Variants in RDX observed in about 807,000 individuals in gnomAD.
RDX encodes the protein radixin.
In RDX, 32 loss-of-function variants were observed where a neutral mutation model predicts 83.7. That is an observed-to-expected ratio of 0.38 (90% CI 0.29 to 0.51). The LOEUF is 0.51. RDX is among the 20% of genes least tolerant of loss of function. The pLI, the probability that RDX is intolerant of heterozygous loss-of-function variation, is 0.87. For synonymous variants in RDX, 229 were observed against 222.7 expected (o/e 1.03, Z -0.25); for missense variants, 600 against 689.9 (o/e 0.87, Z 1.46).
intron 14 of RDX, among the ~76,000 whole-genome samples, chr11:110,220,079 C>G (rs937201701): frequency 1.3e-5 from 2 of 152,178 alleles, no homozygotes; most frequent in African/African-American, 4.8e-5. Context: ...AGGAGCATGT[C>G]TTTCTTATCT....
intron 1 of RDX, among the ~76,000 whole-genome samples, chr11:110,280,321 G>A (rs2134424187): frequency 6.6e-6 from 1 of 152,204 alleles, no homozygotes; most frequent in South Asian, 2.1e-4. Flanking sequence ...ACAGCTCACT[G>A]CAGCCTAAAC....
chr11:110,183,416 C>T (rs1862926998), intron 15 of RDX, among the ~76,000 whole-genome samples: 1 of 152,230 alleles, frequency 6.6e-6, no homozygotes, highest in Admixed American at 6.5e-5. Flanking sequence ...CAGCTGCAAA[C>T]TCCTGGGCTC....
intron 14 of RDX, among the ~76,000 whole-genome samples, chr11:110,206,447 A>C (rs1480618710): frequency 6.6e-6 from 1 of 152,102 alleles, no homozygotes; most frequent in Admixed American, 6.5e-5. Flanking sequence ...CAAAAAAAAA[A>C]CTAGTTGTAT....
chr11:110,276,083 G>T (rs547080731), intron 2 of RDX, among the ~76,000 whole-genome samples: 1 of 152,156 alleles, frequency 6.6e-6, no homozygotes, highest in South Asian at 2.1e-4. Flanking sequence ...ACTGCACCCA[G>T]CCAATTTTTT....
downstream of RDX, among the ~76,000 whole-genome samples, chr11:110,224,997 A>G (rs1038875367): frequency 2.6e-5 from 4 of 152,176 alleles, no homozygotes; most frequent in Non-Finnish European, 5.9e-5. Context: ...AAAACATCTA[A>G]ACATAGGATT....
chr11:110,275,297 A>G (rs1860467514), intron 2 of RDX, among the ~76,000 whole-genome samples: 1 of 152,224 alleles, frequency 6.6e-6, no homozygotes, highest in African/African-American at 2.4e-5. Context: ...ACTTTAGAAC[A>G]GGAAGATTAT....
At chr11:110,214,165 C>A (rs945989737) in intron 14 of RDX, among the ~76,000 whole-genome samples, 3 of 151,618 alleles carry the variant, frequency 2.0e-5, no homozygotes, top group Non-Finnish European at 4.4e-5. Context: ...ACAACCCCAT[C>A]AAAAAGTGGG....
intron 1 of RDX, among the ~76,000 whole-genome samples, chr11:110,294,857 T>C (rs1377233818): frequency 6.6e-6 from 1 of 152,238 alleles, no homozygotes; most frequent in Non-Finnish European, 1.5e-5. Flanking sequence ...AAACATTGTA[T>C]GTGATTCCTA....
At chr11:110,177,849 T>C (rs756320207) in intron 15 of RDX, among the ~76,000 whole-genome samples, 2 of 152,112 alleles carry the variant, frequency 1.3e-5, no homozygotes, top group East Asian at 1.9e-4. Context: ...CTGCCTCAAA[T>C]CCTTCTAACC....
intron 3 of RDX, among the ~76,000 whole-genome samples, chr11:110,271,103 C>A (rs1326752516): frequency 2.6e-5 from 4 of 152,090 alleles, no homozygotes; most frequent in African/African-American, 9.7e-5. Context: ...TTTTGCACAT[C>A]CACACAAAAA....
At chr11:110,208,716 T>C (rs1863695392) in intron 14 of RDX, among the ~76,000 whole-genome samples, 1 of 152,008 alleles carries the variant, frequency 6.6e-6, no homozygotes, top group Non-Finnish European at 1.5e-5. Context: ...CCCAACACTT[T>C]GGGAGGCTGT....
chr11:110,191,800 G>A (rs1053746060), intron 15 of RDX, among the ~76,000 whole-genome samples: 1 of 152,146 alleles, frequency 6.6e-6, no homozygotes, highest in African/African-American at 2.4e-5. Flanking sequence ...AAGTTGCAGC[G>A]AGCCGAGATC....
intron 15 of RDX, among the ~76,000 whole-genome samples, chr11:110,179,506 C>T (rs1339353253): frequency 6.6e-6 from 1 of 152,216 alleles, no homozygotes; most frequent in African/African-American, 2.4e-5. Flanking sequence ...GGCATGGTGG[C>T]TCATGCCTGT....
At chr11:110,190,602 C>T (rs1863084572) in intron 15 of RDX, among the ~76,000 whole-genome samples, 1 of 152,008 alleles carries the variant, frequency 6.6e-6, no homozygotes, top group African/African-American at 2.4e-5. Context: ...AAAATCAGAG[C>T]AGAACTGACA....
At chr11:110,237,447 T>C (rs1350598590) in intron 11 of RDX, 45 bp downstream of exon 11, 3 of 1,595,588 alleles carry the variant, frequency 1.9e-6, no homozygotes, top group South Asian at 2.2e-5. Context: ...GGGTTCACTC[T>C]ATGCTTTTAT....
chr11:110,206,728 T>C (rs181305508), intron 14 of RDX, among the ~76,000 whole-genome samples: 35 of 152,268 alleles, frequency 2.3e-4, no homozygotes, highest in Admixed American at 2.0e-3. Flanking sequence ...GAAGGAAAAA[T>C]ACTACAATAG....
At chr11:110,211,868 C>T (rs1307222098) in intron 14 of RDX, among the ~76,000 whole-genome samples, 1 of 150,404 alleles carries the variant, frequency 6.6e-6, no homozygotes, top group African/African-American at 2.4e-5. Flanking sequence ...ACTAAATGCC[C>T]ACAAGAGAAA....
At chr11:110,295,863 C>T (rs1166977530) in intron 1 of RDX, among the ~76,000 whole-genome samples, 1 of 152,228 alleles carries the variant, frequency 6.6e-6, no homozygotes, top group East Asian at 1.9e-4. Flanking sequence ...CGGCCCTGGC[C>T]TGGCGGGTGC....
chr11:110,181,717 T>C (rs1432558529), intron 15 of RDX: 2 of 152,386 alleles, frequency 1.3e-5, no homozygotes, highest in East Asian at 1.9e-4. Flanking sequence ...CCGGAGCATA[T>C]CTACCAACTT....
Sources: gnomAD v4.1 joint callset for allele counts (sites outside exome capture counted in the v4.1 genomes callset) on GRCh38, gnomAD v4.1.1 for gene constraint, MANE v1.5 for transcripts, NCBI Gene and HGNC (gene_info 2026-07-23, HGNC 2026-07-21) for gene names.